Variants in GSE1 observed in about 807,000 individuals in gnomAD.
GSE1 encodes the protein genetic suppressor element 1.
A neutral mutation model predicts 112.6 loss-of-function variants in GSE1; 32 were observed. That is an observed-to-expected ratio of 0.28 (90% CI 0.21 to 0.38). The LOEUF is 0.38. Among genes scored for constraint, GSE1 ranks in the 10% least tolerant of loss-of-function variants. The pLI, the probability that GSE1 is intolerant of heterozygous loss-of-function variation, is 1.00. For missense variants in GSE1, 2,348 were observed against 1,699.2 expected (o/e 1.38, Z -6.71); for synonymous variants, 1,115 against 735.6 (o/e 1.52, Z -8.35).
Position 85,331,357 on chromosome 16 carries a change from G to GTATATA in GSE1, c.2284-26105_2284-26104insATATAT, listed in dbSNP as rs1161946667. On this transcript the variant is annotated intron_variant, in intron 1 of 2. Coordinates refer to the GSE1 transcript ENST00000637419. ...TGTGTGTGTGTGTGTGTGTGTGTGTGTGTGTGTGTATATATGTATATATAT... is the reference window on the plus strand; with the variant it reads ...TGTGTGTGTGTGTGTGTGTGTGTGTGTATATATGTGTGTGTATATATGTATATATAT... 1.6e-4 allele frequency among the ~76,000 whole-genome samples: 9 copies of GTATATA among 57,140 alleles called. 1 individual carries two copies. Among genetic ancestry groups the GTATATA allele is most frequent in the East Asian group, 4.9e-4 (1 of 2,022 alleles). The allele number at this position is 57,140 out of a possible 152,430, so 37.5% of individuals were successfully genotyped here. A position where few individuals can be genotyped will look rare whatever the true frequency, so the allele number is the denominator to read the frequency against.
chr16:85,624,298 G>T (rs528294884), intron 1 of GSE1, among the ~76,000 whole-genome samples: 21 of 152,308 alleles, frequency 1.4e-4, no homozygotes, highest in African/African-American at 5.1e-4. Context: ...GCTCCCACAG[G>T]AGCAGGTGCA....
intron 2 of GSE1, among the ~76,000 whole-genome samples, chr16:85,519,570 C>CCTTCACCACCATCACCAACCAT (rs1567555886): frequency 2.9e-4 from 10 of 34,768 alleles, no homozygotes; most frequent in Admixed American, 5.6e-4. Flanking sequence ...ATCATCATCA[C>CCTTCACCACCATCACCAACCAT]CATCACCAGT....
At chr16:85,580,306 A>C (rs2046396395) in intron 1 of GSE1, 1 of 152,060 alleles carries the variant, frequency 6.6e-6, no homozygotes, top group South Asian at 2.1e-4. Context: ...AGGGAGAGGG[A>C]GAAGGGGTGA....
At position 85,675,852 on chromosome 16, in the gene GSE1, T is replaced by C. The variant is rs2053647838; in HGVS notation, c.*3313T>C. On this transcript the variant is annotated 3_prime_UTR_variant, in exon 16 of 16. Coordinates refer to ENST00000253458, the MANE Select transcript of GSE1 (RefSeq NM_014615.5). ...TTTCAAGTAACCAAGCTGTTGACTT[T>C]CTTACTACTTGCAGTAGCCTGTCCC... 1 of 152,358 alleles carries C rather than the reference T, an allele frequency of 6.6e-6. No individual in the cohort carries two copies. The highest frequency in any genetic ancestry group is 2.4e-5 in the African/African-American group (1 of 41,480). The allele number at this position is 152,358 out of a possible 1,614,324, so 9.4% of individuals were successfully genotyped here.
At chr16:85,524,845 G>T (rs1464406360) in intron 2 of GSE1, among the ~76,000 whole-genome samples, 2 of 152,142 alleles carry the variant, frequency 1.3e-5, no homozygotes, top group Admixed American at 6.5e-5. Flanking sequence ...CCATGGTCCT[G>T]GGCTTGTCTG....
At chr16:85,455,303 G>C (rs533289808) in intron 2 of GSE1, among the ~76,000 whole-genome samples, 252 of 152,258 alleles carry the variant, frequency 1.7e-3, no homozygotes, top group African/African-American at 5.9e-3. Context: ...AGGATCGCTT[G>C]AGTTTGAGGC....
intron 1 of GSE1, among the ~76,000 whole-genome samples, chr16:85,200,661 C>T (rs1183206926): frequency 6.6e-6 from 1 of 152,162 alleles, no homozygotes; most frequent in Admixed American, 6.5e-5. Flanking sequence ...CCTCTTTCGC[C>T]CCACATTTAA....
At chr16:85,471,200 G>A (rs558104699) in intron 2 of GSE1, among the ~76,000 whole-genome samples, 49 of 152,340 alleles carry the variant, frequency 3.2e-4, no homozygotes, top group African/African-American at 1.1e-3. Flanking sequence ...TGAAGAAGAG[G>A]CTGGGCTCTC....
At chr16:85,190,424 A>G (rs1475713527) in intron 1 of GSE1, among the ~76,000 whole-genome samples, 1 of 152,248 alleles carries the variant, frequency 6.6e-6, no homozygotes, top group Non-Finnish European at 1.5e-5. Flanking sequence ...AGTATCCACC[A>G]TTTAAAGTAT....
At chr16:85,193,650 G>A (rs1182029090) in intron 1 of GSE1, among the ~76,000 whole-genome samples, 1 of 152,198 alleles carries the variant, frequency 6.6e-6, no homozygotes, top group African/African-American at 2.4e-5. Flanking sequence ...AGCAGAGACA[G>A]GGTTTTGCCA....
At chr16:85,255,914 C>T (rs1161225643) in intron 1 of GSE1, among the ~76,000 whole-genome samples, 1 of 149,700 alleles carries the variant, frequency 6.7e-6, no homozygotes, top group Non-Finnish European at 1.5e-5. Context: ...TCTCAAACTC[C>T]TGGGCTCAAG....
chr16:85,634,214 G>A (rs1471744293), intron 2 of GSE1, 82 bp downstream of exon 2: 10 of 956,276 alleles, frequency 1.0e-5, no homozygotes, highest in African/African-American at 3.5e-5. Flanking sequence ...CGGCGTGCAC[G>A]CTCACAGCAG....
intron 1 of GSE1, among the ~76,000 whole-genome samples, chr16:85,182,454 A>G (rs1401838592): frequency 1.3e-5 from 2 of 152,168 alleles, no homozygotes; most frequent in Non-Finnish European, 2.9e-5. Flanking sequence ...TGGTCCCTGC[A>G]GGGGGGATCG....
In GSE1 at chr16:85,349,722, G is replaced by A. The variant is rs902346772; in HGVS notation, c.2284-7741G>A. Among the ~76,000 whole-genome samples, 4 of 152,196 alleles carry A rather than the reference G, an allele frequency of 2.6e-5. No homozygotes were observed. The South Asian group carries it at 6.2e-4, about 24-fold the overall frequency. On this transcript the variant is annotated intron_variant, in intron 1 of 2. Coordinates refer to the GSE1 transcript ENST00000637419. ...AGGAGGCGACGCCGTGTTCTTTTGT[G>A]TTGTCAGGATGCTGGCGTCTCTTCC...
intron 1 of GSE1, among the ~76,000 whole-genome samples, chr16:85,625,626 C>T (rs919628297): frequency 3.9e-5 from 6 of 152,192 alleles, no homozygotes; most frequent in Non-Finnish European, 5.9e-5. Flanking sequence ...TTTGTGTTCC[C>T]AGCATGGCAG....
chr16:85,356,227 G>A (rs1017060223), intron 1 of GSE1, among the ~76,000 whole-genome samples: 7 of 152,208 alleles, frequency 4.6e-5, no homozygotes, highest in South Asian at 2.1e-4. Flanking sequence ...CATCGTCGTC[G>A]TCATGGTAGT....
chr16:85,480,184 C>T (rs530163436), intron 2 of GSE1, among the ~76,000 whole-genome samples: 53 of 152,326 alleles, frequency 3.5e-4, no homozygotes, highest in African/African-American at 1.2e-3. Context: ...CCTCAAGGGC[C>T]CCAGCCAGGA....
intron 1 of GSE1, among the ~76,000 whole-genome samples, chr16:85,274,875 A>C (rs1436883456): frequency 1.3e-5 from 2 of 152,268 alleles, no homozygotes; most frequent in Non-Finnish European, 2.9e-5. Context: ...TGGACCCTGC[A>C]GATGCATGTG....
chr16:85,375,984 G>A (rs180885488), intron 2 of GSE1, among the ~76,000 whole-genome samples: 36 of 152,264 alleles, frequency 2.4e-4, no homozygotes, highest in Admixed American at 8.5e-4. Flanking sequence ...CTGCAGCCCA[G>A]CAGTTCTGAA....
Sources: allele counts gnomAD v4.1 joint callset (sites outside exome capture counted in the v4.1 genomes callset), GRCh38; gene constraint gnomAD v4.1.1; transcripts MANE v1.5; gene names NCBI Gene and HGNC (gene_info 2026-07-23, HGNC 2026-07-21).